FXR2: variants seen among roughly 807,000 people sequenced by gnomAD.
The protein encoded by FXR2 is FMR1 autosomal homolog 2.
In FXR2, 9 loss-of-function variants were observed where a neutral mutation model predicts 87.3. That is an observed-to-expected ratio of 0.10 (90% CI 0.06 to 0.18). The LOEUF is 0.18. FXR2 is among the 10% of genes least tolerant of loss of function. FXR2 has a pLI of 1.00. For synonymous variants in FXR2, 331 were observed against 328.3 expected (o/e 1.01, Z -0.09); for missense variants, 661 against 893.6 (o/e 0.74, Z 3.32).
chr17:7,605,003 G>A (rs1248506010), intron 3 of FXR2, among the ~76,000 whole-genome samples: 1 of 151,970 alleles, frequency 6.6e-6, no homozygotes, highest in Non-Finnish European at 1.5e-5. Flanking sequence ...GATTTCAGGT[G>A]TGAGCCACTG....
chr17:7,603,873 G>A lies in FXR2; in HGVS notation c.333C>T (p.Ala111=), dbSNP rs1279904161. 1 of 1,613,912 alleles carries A rather than the reference G, an allele frequency of 6.2e-7. No individual in the cohort carries two copies. Among genetic ancestry groups the A allele is most frequent in the Non-Finnish European group, 8.5e-7 (1 of 1,179,856 alleles). ...CCAGGGTAACAATTTCATTGTAGGT[G>A]GCATCACAGGCAGCATATTCAATGA... The part of the protein sequence containing the change: ...FYVIEYAACD[A]TYNEIVTLER... The change falls in exon 5 of 17, where the codon GCC becomes GCT. Residue 111 remains alanine (A), a synonymous_variant. Coordinates refer to ENST00000250113, the MANE Select transcript of FXR2 (RefSeq NM_004860.4).
chr17:7,600,561 G>A (rs1259101493), intron 7 of FXR2, among the ~76,000 whole-genome samples: 1 of 152,174 alleles, frequency 6.6e-6, no homozygotes, highest in Non-Finnish European at 1.5e-5. Flanking sequence ...ACTTTGCAAA[G>A]TACAGGCAGA....
At position 7,591,924 on chromosome 17, in the gene FXR2, C is replaced by T; in HGVS notation, c.1928G>A (p.Gly643Asp). ...PSEDSLSGQK[G>D]DSVSKLPKGP... ...CTTAGGAAGCTTGCTGACAGAGTCA[C>T]CCTGAGGGGAAAGTGGGAAAGAAAA... Residue 643 changes from glycine (G) to aspartate (D), a missense_variant and splice_region_variant, in exon 17 of 17, where the codon GGT becomes GAT. Coordinates refer to ENST00000250113, the MANE Select transcript of FXR2 (RefSeq NM_004860.4). This position sits in a 1 kb window ranked among gnomAD's most constrained non-coding sequence, Gnocchi z 4.0. The T allele has an allele frequency of 6.4e-7, 1 of 1,561,922 alleles. No homozygotes were observed. The highest frequency in any genetic ancestry group is 8.8e-7 in the Non-Finnish European group (1 of 1,135,282).
chr17:7,609,888 A>ATG (rs1491495381), intron 1 of FXR2, among the ~76,000 whole-genome samples: 6 of 148,528 alleles, frequency 4.0e-5, no homozygotes, highest in African/African-American at 9.9e-5. Context: ...ATACATATAC[A>ATG]TATATATACA....
intron 3 of FXR2, 90 bp downstream of exon 3, chr17:7,605,555 T>C (rs1489961833): frequency 5.7e-6 from 4 of 702,936 alleles, no homozygotes; most frequent in Non-Finnish European, 7.7e-6. Context: ...TATGGCTTAG[T>C]TGGGGAGGAA....
At position 7,591,950 on chromosome 17, in the gene FXR2, C is replaced by G; in HGVS notation, c.1927-25G>C. The G allele has an allele frequency of 1.4e-6, 2 of 1,434,802 alleles. No homozygotes were observed. Among genetic ancestry groups the G allele is most frequent in the Non-Finnish European group, 2.0e-6 (2 of 1,022,642 alleles). The allele number at this position is 1,434,802 out of a possible 1,614,324, so 88.9% of individuals were successfully genotyped here. A position where few individuals can be genotyped will look rare whatever the true frequency, so the allele number is the denominator to read the frequency against. The stretch of plus-strand genomic sequence containing the variant: ...CCTGAGGGGAAAGTGGGAAAGAAAA[C>G]AGAAAAGCAAGAAGCGGTGAGTAGA... On this transcript the variant is annotated intron_variant, in intron 16 of 16. Transcript: ENST00000250113. The surrounding 1 kb of genome is among the most constrained non-coding windows in gnomAD (Gnocchi z 4.0).
intron 5 of FXR2, 39 bp downstream of exon 5, chr17:7,603,718 G>A (rs763499187): frequency 1.2e-6 from 2 of 1,604,122 alleles, no homozygotes; most frequent in African/African-American, 1.3e-5. Context: ...GATTAGGGCT[G>A]TAAAGAGGGC....
chr17:7,603,541 A>AAG (rs1567751506), intron 5 of FXR2, among the ~76,000 whole-genome samples: 2 of 151,620 alleles, frequency 1.3e-5, no homozygotes, highest in African/African-American at 4.8e-5. Context: ...AAAAAAAAAA[A>AAG]AAAGAAAGAA....
Position 7,594,996 on chromosome 17 carries a change from C to T in FXR2, c.832-239G>A, listed in dbSNP as rs771207814. 1.3e-5 allele frequency among the ~76,000 whole-genome samples: 2 copies of T among 152,070 alleles called. No homozygotes were observed. The highest frequency in any genetic ancestry group is 2.9e-5 in the Non-Finnish European group (2 of 68,022). On this transcript the variant is annotated intron_variant, in intron 8 of 16. Coordinates refer to ENST00000250113, the MANE Select transcript of FXR2 (RefSeq NM_004860.4). This position sits in a 1 kb window ranked among gnomAD's most constrained non-coding sequence, Gnocchi z 5.1. ...AATTGGTGGCTCACGTCTCTAATCC[C>T]AGCTACTCCGGAGGCTGAGGCAGGA...
intron 7 of FXR2, among the ~76,000 whole-genome samples, chr17:7,600,993 A>C (rs2071750769): frequency 6.6e-6 from 1 of 151,506 alleles, no homozygotes; most frequent in African/African-American, 2.4e-5. Flanking sequence ...CAGCTTGGGC[A>C]ACATGGCAAA....
chr17:7,609,932 A>ATACATATATATG, intron 1 of FXR2, among the ~76,000 whole-genome samples: 1 of 97,170 alleles, frequency 1.0e-5, no homozygotes, highest in East Asian at 3.3e-4. Context: ...ATGTATATGT[A>ATACATATATATG]TATATATACA....
At chr17:7,609,933 T>TATATATACATGTATAC (rs2071838099) in intron 1 of FXR2, among the ~76,000 whole-genome samples, 6 of 103,956 alleles carry the variant, frequency 5.8e-5, no homozygotes, top group Non-Finnish European at 1.0e-4. Flanking sequence ...TGTATATGTA[T>TATATATACATGTATAC]ATATATACAT....
chr17:7,603,888 A>G lies in FXR2; in HGVS notation c.318T>C (p.Tyr106=). ...MMKGDFYVIE[Y]AACDATYNEI... ...CATTGTAGGTGGCATCACAGGCAGC[A>G]TATTCAATGACATAGAACTGGCACA... The change falls in exon 5 of 17, where the codon TAT becomes TAC. Residue 106 remains tyrosine (Y), a synonymous_variant. Coordinates refer to ENST00000250113, the MANE Select transcript of FXR2 (RefSeq NM_004860.4). 1 of 1,614,018 alleles carries G rather than the reference A, an allele frequency of 6.2e-7. No individual in the cohort carries two copies. Among genetic ancestry groups the G allele is most frequent in the Non-Finnish European group, 8.5e-7 (1 of 1,179,884 alleles).
chr17:7,597,483 CT>C (rs56705018), intron 7 of FXR2, among the ~76,000 whole-genome samples: 64 of 145,684 alleles, frequency 4.4e-4, no homozygotes, highest in Admixed American at 6.9e-4. Context: ...GCTGGGTTTT[CT>C]TTTTTTTTTT....
intron 1 of FXR2, chr17:7,614,019 T>C (rs2071905452): frequency 2.2e-6 from 1 of 458,604 alleles, no homozygotes; most frequent in Non-Finnish European, 4.3e-6. Context: ...AAGGATCTTT[T>C]ACGGGACAGA....
At chr17:7,600,566 G>A (rs1181428315) in intron 7 of FXR2, among the ~76,000 whole-genome samples, 2 of 152,312 alleles carry the variant, frequency 1.3e-5, no homozygotes, top group South Asian at 2.1e-4. Context: ...GCAAAGTACA[G>A]GCAGATGGAT....
In FXR2 at chr17:7,592,955, C is replaced by G; in HGVS notation, c.1528+29G>C. 6.5e-7 allele frequency: 1 copy of G among 1,549,824 alleles called. No individual in the cohort carries two copies. Among genetic ancestry groups the G allele is most frequent in the South Asian group, 1.2e-5 (1 of 80,976 alleles). ...GGTGCCCATCATCTTTCCTTTTGGC[C>G]CATATTCATGAACCCAGCTGTCTGG... On this transcript the variant is annotated intron_variant, in intron 13 of 16. Transcript: ENST00000250113. The surrounding 1 kb of genome is among the most constrained non-coding windows in gnomAD (Gnocchi z 4.8).
At position 7,593,860 on chromosome 17, in the gene FXR2, C is replaced by T. The variant is rs1247279714; in HGVS notation, c.1107+58G>A. ...AGAACCAAAATCCCTGAGCTGACCCCCACAGCAGTCTTAGTTCCCTTTTCA... is the reference window on the plus strand; with the variant it reads ...AGAACCAAAATCCCTGAGCTGACCCTCACAGCAGTCTTAGTTCCCTTTTCA... On this transcript the variant is annotated intron_variant, in intron 11 of 16. Transcript: ENST00000250113. The surrounding 1 kb of genome is among the most constrained non-coding windows in gnomAD (Gnocchi z 6.1). 3 of 1,102,740 alleles carry T rather than the reference C, an allele frequency of 2.7e-6. No homozygotes were observed. Among genetic ancestry groups the T allele is most frequent in the Non-Finnish European group, 4.2e-6 (3 of 714,184 alleles). The allele number at this position is 1,102,740 out of a possible 1,614,324, so 68.3% of individuals were successfully genotyped here. A position where few individuals can be genotyped will look rare whatever the true frequency, so the allele number is the denominator to read the frequency against.
intron 2 of FXR2, 78 bp downstream of exon 2, chr17:7,606,019 A>G: frequency 1.1e-6 from 1 of 943,246 alleles, no homozygotes; most frequent in Non-Finnish European, 1.7e-6. Flanking sequence ...TACATGCCTC[A>G]TAGGACTCAG....
Sources: gnomAD v4.1 joint callset for allele counts (sites outside exome capture counted in the v4.1 genomes callset) on GRCh38, gnomAD v4.1.1 for gene constraint, Gnocchi (gnomAD v3.1) non-coding constraint, MANE v1.5 for transcripts, NCBI Gene and HGNC (gene_info 2026-07-23, HGNC 2026-07-21) for gene names.